Variants in MAGEB10 observed in about 807,000 individuals in gnomAD.
The protein encoded by MAGEB10 is melanoma-associated antigen B10.
For missense variants in MAGEB10, 190 were observed against 261.9 expected (o/e 0.73, Z 1.89); for synonymous variants, 99 against 101.0 (o/e 0.98, Z 0.12).
intron 1 of MAGEB10, among the ~76,000 whole-genome samples, chrX:27,808,626 A>G (rs1923593239): frequency 9.0e-6 from 1 of 111,111 alleles, no homozygotes; most frequent in Admixed American, 9.5e-5. Flanking sequence ...CCTCTGCCTT[A>G]AGCCGAAAAA....
chrX:27,811,260 AG>A (rs1380341706), intron 1 of MAGEB10, among the ~76,000 whole-genome samples: 2 of 110,362 alleles, frequency 1.8e-5, no homozygotes, highest in Non-Finnish European at 3.8e-5. Context: ...TGGAGGGGAT[AG>A]GTTTCAGGTA....
intron 2 of MAGEB10, 143 bp from the exon 3 acceptor site, chrX:27,821,115 A>AG (rs1491444668): frequency 4.7e-6 from 2 of 430,094 alleles, no homozygotes; most frequent in African/African-American, 5.0e-5. Flanking sequence ...CAGAGTACTC[A>AG]GGGGGCAGGC....
Position 27,821,448 on chromosome X carries a change from G to T in MAGEB10, c.142G>T (p.Asp48Tyr). The T allele has an allele frequency of 1.7e-6, 2 of 1,211,485 alleles. No homozygotes were observed. Among genetic ancestry groups the T allele is most frequent in the Non-Finnish European group, 2.2e-6 (2 of 895,459 alleles). Residue 48 changes from aspartate (D) to tyrosine (Y), a missense_variant, in exon 3 of 3, where the codon GAT becomes TAT. By Grantham distance (160) the Asp-to-Tyr change is radical. Transcript: ENST00000356790. ...SPPSASACLKDVFQSSLDGAS... is the reference protein window; with the variant it reads ...SPPSASACLKYVFQSSLDGAS... Reference sequence around the variant, plus strand: ...CCCCTCTGCCTCTGCTTGTTTGAAGGATGTTTTCCAGAGTTCACTTGATGG... The same window carrying T: ...CCCCTCTGCCTCTGCTTGTTTGAAGTATGTTTTCCAGAGTTCACTTGATGG...
At chrX:27,819,082 C>T (rs1380333219) in intron 2 of MAGEB10, among the ~76,000 whole-genome samples, 1 of 110,988 alleles carries the variant, frequency 9.0e-6, no homozygotes, top group Non-Finnish European at 1.9e-5. Flanking sequence ...CATTTCTAAG[C>T]CAATGCCTCG....
rs1038138861 is a variant in MAGEB10 at position 27,822,223 on chromosome X, G to T, written c.917G>T (p.Trp306Leu). The T allele has an allele frequency of 3.3e-6, 4 of 1,209,719 alleles. No individual in the cohort carries two copies. In the African/African-American group the frequency reaches 7.0e-5, roughly 21 times the overall value. The change falls in exon 3 of 3, where the codon TGG (tryptophan) becomes TTG (leucine). Residue 306 changes from tryptophan (W) to leucine (L), a missense_variant. Physicochemically the swap from Trp to Leu is moderately conservative, Grantham distance 61. Coordinates refer to ENST00000356790, the MANE Select transcript of MAGEB10 (RefSeq NM_182506.3). ...NDTAPSEFSN[W>L]YTEALQDEEE... ...ACAGCTCCCAGTGAATTCTCAAACTGGTATACAGAGGCTTTACAAGATGAG... is the reference window on the plus strand; with the variant it reads ...ACAGCTCCCAGTGAATTCTCAAACTTGTATACAGAGGCTTTACAAGATGAG...
chrX:27,822,616 ACT>A lies in MAGEB10; in HGVS notation c.*270_*271del, dbSNP rs1923910989. The A allele has an allele frequency of 5.9e-6, 2 of 336,476 alleles. No individual in the cohort carries two copies. The highest frequency in any genetic ancestry group is 1.0e-4 in the South Asian group (1 of 9,837). 27.7% of individuals were successfully genotyped at this position (336,476 alleles called of 1,213,427 possible). A position where few individuals can be genotyped will look rare whatever the true frequency, so the allele number is the denominator to read the frequency against. On this transcript the variant is annotated 3_prime_UTR_variant, in exon 3 of 3. Transcript: ENST00000356790. ...ATTGCTTTATAAGTCTAATTGGGAA[ACT>A]CTCCATTTATTTAGTGATCGAAACA...
intron 2 of MAGEB10, among the ~76,000 whole-genome samples, chrX:27,818,513 CTG>C (rs1239243670): frequency 8.9e-5 from 10 of 112,000 alleles, no homozygotes; most frequent in Non-Finnish European, 1.7e-4. Flanking sequence ...CTCACTGACT[CTG>C]TAACTAAAAG....
At chrX:27,814,435 C>G (rs1923745047) in intron 1 of MAGEB10, among the ~76,000 whole-genome samples, 1 of 111,330 alleles carries the variant, frequency 9.0e-6, no homozygotes, top group African/African-American at 3.3e-5. Flanking sequence ...TACCCCACAC[C>G]CGCAATAAAT....
chrX:27,810,428 A>T (rs1237604187), intron 1 of MAGEB10, among the ~76,000 whole-genome samples: 1 of 111,779 alleles, frequency 8.9e-6, no homozygotes, highest in East Asian at 2.8e-4. Context: ...CCAATTCCGG[A>T]CACACTATGC....
chrX:27,810,923 G>A (rs1348701248), intron 1 of MAGEB10, among the ~76,000 whole-genome samples: 1 of 110,194 alleles, frequency 9.1e-6, no homozygotes, highest in East Asian at 2.9e-4. Context: ...GATGGGGCTA[G>A]GCACTGCCTC....
In MAGEB10 at chrX:27,821,877, A is replaced by G. The variant is rs769872348; in HGVS notation, c.571A>G (p.Lys191Glu). The G allele has an allele frequency of 8.3e-7, 1 of 1,211,670 alleles. No homozygotes were observed. Among genetic ancestry groups the G allele is most frequent in the Non-Finnish European group, 1.1e-6 (1 of 895,556 alleles). The change falls in exon 3 of 3, where the codon AAG (lysine) becomes GAG (glutamate). Residue 191 changes from lysine (K) to glutamate (E), a missense_variant. Coordinates refer to ENST00000356790, the MANE Select transcript of MAGEB10 (RefSeq NM_182506.3). ...VNKLDLGCDAKLSDETGVPKT... is the reference protein window; with the variant it reads ...VNKLDLGCDAELSDETGVPKT... The stretch of plus-strand genomic sequence containing the variant: ...CAAACTAGATCTAGGCTGTGATGCA[A>G]AGCTGAGTGATGAAACAGGCGTGCC...
chrX:27,822,847 C>G lies in MAGEB10; in HGVS notation c.*497C>G, dbSNP rs1056161149. On this transcript the variant is annotated 3_prime_UTR_variant, in exon 3 of 3. Coordinates refer to ENST00000356790, the MANE Select transcript of MAGEB10 (RefSeq NM_182506.3). ...TGGCTAACACAGTGAAACCCCGTCTCTACTAAAAATACAAAAAATTAGCCA... is the reference window on the plus strand; with the variant it reads ...TGGCTAACACAGTGAAACCCCGTCTGTACTAAAAATACAAAAAATTAGCCA... 8.1e-6 allele frequency: 1 copy of G among 122,757 alleles called. No individual in the cohort carries two copies. The highest frequency in any genetic ancestry group is 3.3e-5 in the African/African-American group (1 of 30,217). The allele number at this position is 122,757 out of a possible 1,213,427, so 10.1% of individuals were successfully genotyped here. A position where few individuals can be genotyped will look rare whatever the true frequency, so the allele number is the denominator to read the frequency against.
intron 1 of MAGEB10, among the ~76,000 whole-genome samples, chrX:27,809,392 G>GCCAGCCCCCTCCAACCCCA (rs1923614492): frequency 2.4e-4 from 2 of 8,351 alleles, no homozygotes; most frequent in Non-Finnish European, 4.6e-4. Context: ...CCCCAACCCC[G>GCCAGCCCCCTCCAACCCCA]CCAGCCCCCT....
chrX:27,808,561 G>A (rs1923591447), intron 1 of MAGEB10, among the ~76,000 whole-genome samples: 1 of 111,430 alleles, frequency 9.0e-6, no homozygotes, highest in Non-Finnish European at 1.9e-5. Flanking sequence ...CAAAGACACT[G>A]AATAATGTTT....
chrX:27,819,295 C>T (rs1923840439), intron 2 of MAGEB10, among the ~76,000 whole-genome samples: 1 of 110,788 alleles, frequency 9.0e-6, no homozygotes, highest in Non-Finnish European at 1.9e-5. Context: ...AAACACAAGC[C>T]ACCCCCTTAC....
chrX:27,821,614 C>T lies in MAGEB10; in HGVS notation c.308C>T (p.Thr103Ile). 1.7e-6 allele frequency: 2 copies of T among 1,211,121 alleles called. No homozygotes were observed. Among genetic ancestry groups the T allele is most frequent in the Non-Finnish European group, 1.1e-6 (1 of 895,155 alleles). Reference protein sequence around the residue: ...RPICTQDLEATDSFPRGPVDE... With the variant: ...RPICTQDLEAIDSFPRGPVDE... ...ATATGCACACAAGATCTAGAAGCCA[C>T]TGATAGCTTTCCCAGAGGCCCTGTA... The change falls in exon 3 of 3, where the codon ACT (threonine) becomes ATT (isoleucine). Residue 103 changes from threonine (T) to isoleucine (I), a missense_variant. Coordinates refer to ENST00000356790, the MANE Select transcript of MAGEB10 (RefSeq NM_182506.3).
At position 27,819,292 on chromosome X, in the gene MAGEB10, A is replaced by G. The variant is rs2147397413; in HGVS notation, c.-50+1590A>G. ...GAATTCCCTACTCCCACAAAACACA[A>G]GCCACCCCCTTACTTCTAAGAGCTG... On this transcript the variant is annotated intron_variant, in intron 2 of 2. Transcript: ENST00000356790. 1.8e-5 allele frequency among the ~76,000 whole-genome samples: 2 copies of G among 110,498 alleles called. 1 individual carries two copies. Among genetic ancestry groups the G allele is most frequent in the South Asian group, 7.9e-4 (2 of 2,519 alleles).
chrX:27,821,714 T>G lies in MAGEB10; in HGVS notation c.408T>G (p.Asp136Glu). 2.5e-6 allele frequency: 3 copies of G among 1,211,856 alleles called. No individual in the cohort carries two copies. The highest frequency in any genetic ancestry group is 3.3e-6 in the Non-Finnish European group (3 of 895,588). ...YQMKEPITKA[D>E]MLRNVTQMSK... ...TGAAAGAGCCCATTACAAAGGCAGA[T>G]ATGCTGAGAAATGTAACCCAAATGT... Residue 136 changes from aspartate to glutamate, a missense_variant, in exon 3 of 3, where the codon GAT becomes GAG. Coordinates refer to ENST00000356790, the MANE Select transcript of MAGEB10 (RefSeq NM_182506.3).
At chrX:27,820,132 G>C (rs909356798) in intron 2 of MAGEB10, among the ~76,000 whole-genome samples, 2 of 111,582 alleles carry the variant, frequency 1.8e-5, no homozygotes, top group Non-Finnish European at 3.8e-5. Context: ...AACTGAGTGA[G>C]ATCAGAAGGA....
Sources: allele counts gnomAD v4.1 joint callset (sites outside exome capture counted in the v4.1 genomes callset), GRCh38; gene constraint gnomAD v4.1.1; transcripts MANE v1.5; gene names NCBI Gene and HGNC (gene_info 2026-07-23, HGNC 2026-07-21).